ACOXL: variants seen among roughly 807,000 people sequenced by gnomAD.
ACOXL encodes acyl-CoA oxidase like.
ACOXL carries 70 observed loss-of-function variants against 71.9 expected under a neutral mutation model. The ratio of observed to expected loss-of-function variants is 0.97; its 90% CI spans 0.80 to 1.19. ACOXL has a LOEUF of 1.19. Among genes scored for constraint, ACOXL ranks in the 50% most tolerant of loss-of-function variants. The probability of loss-of-function intolerance (pLI) is 0.00; values close to 1 mark genes in which losing one functional copy is unlikely to be tolerated. For missense variants in ACOXL, 703 were observed against 736.3 expected (o/e 0.95, Z 0.52); for synonymous variants, 253 against 281.6 (o/e 0.90, Z 1.02).
At chr2:110,792,206 G>A (rs905110557) in intron 3 of ACOXL, among the ~76,000 whole-genome samples, 1 of 152,184 alleles carries the variant, frequency 6.6e-6, no homozygotes, top group Non-Finnish European at 1.5e-5. Flanking sequence ...GCTGGGATGG[G>A]GTGGGGTCAA....
intron 10 of ACOXL, among the ~76,000 whole-genome samples, chr2:110,907,152 G>A (rs112218537): frequency 1.4e-4 from 21 of 152,304 alleles, no homozygotes; most frequent in African/African-American, 4.1e-4. Context: ...TGGTGAGGGC[G>A]CTTTTCCTGG....
intron 12 of ACOXL, among the ~76,000 whole-genome samples, chr2:110,943,057 A>AAAGGAAGGAAGAAAGAC (rs558546854): frequency 2.7e-5 from 4 of 146,058 alleles, no homozygotes; most frequent in Admixed American, 2.7e-4. Flanking sequence ...GGAAGAAAGA[A>AAAGGAAGGAAGAAAGAC]AAGGAAGAAG....
chr2:110,890,821 G>A (rs1411157479), intron 10 of ACOXL, among the ~76,000 whole-genome samples: 3 of 151,894 alleles, frequency 2.0e-5, no homozygotes, highest in East Asian at 3.9e-4. Context: ...TGTGAATTTC[G>A]GTACATCTTG....
chr2:110,972,764 G>T (rs747627502), intron 12 of ACOXL, among the ~76,000 whole-genome samples: 1 of 152,102 alleles, frequency 6.6e-6, no homozygotes, highest in Admixed American at 6.5e-5. Context: ...TCTCTCAATG[G>T]AGTCATGCAG....
At chr2:110,855,969 C>T (rs536994795) in intron 10 of ACOXL, among the ~76,000 whole-genome samples, 2 of 152,310 alleles carry the variant, frequency 1.3e-5, no homozygotes, top group African/African-American at 4.8e-5. Flanking sequence ...CTCTGATGTT[C>T]TGTTTCTGTC....
intron 10 of ACOXL, among the ~76,000 whole-genome samples, chr2:110,849,947 G>T (rs899702557): frequency 1.3e-5 from 2 of 152,168 alleles, no homozygotes; most frequent in Admixed American, 1.3e-4. Flanking sequence ...AAGAAGTCAG[G>T]AGCAGACCCC....
At chr2:110,924,459 A>C (rs2060196802) in intron 11 of ACOXL, among the ~76,000 whole-genome samples, 1 of 152,228 alleles carries the variant, frequency 6.6e-6, no homozygotes, top group African/African-American at 2.4e-5. Flanking sequence ...CTGCCCTATC[A>C]ACTAAGTTTA....
intron 17 of ACOXL, among the ~76,000 whole-genome samples, chr2:111,102,237 C>T (rs937322916): frequency 2.6e-5 from 4 of 152,170 alleles, no homozygotes; most frequent in South Asian, 4.1e-4. Flanking sequence ...CCATTCAAGT[C>T]AGGTTAAGAA....
chr2:110,771,260 C>T (rs1681885902), intron 2 of ACOXL, among the ~76,000 whole-genome samples: 1 of 152,190 alleles, frequency 6.6e-6, no homozygotes, highest in Admixed American at 6.5e-5. Context: ...TCAAATTCCG[C>T]CCTGTAAACA....
chr2:110,865,396 C>T (rs952936451), intron 10 of ACOXL, among the ~76,000 whole-genome samples: 1 of 152,154 alleles, frequency 6.6e-6, no homozygotes, highest in Non-Finnish European at 1.5e-5. Context: ...CTTAACTTTG[C>T]ATTTCTCGAT....
chr2:111,090,630 T>C (rs934109042), intron 16 of ACOXL, among the ~76,000 whole-genome samples: 1 of 152,150 alleles, frequency 6.6e-6, no homozygotes, highest in Non-Finnish European at 1.5e-5. Context: ...AGAGCAGACA[T>C]AGTCAGGATG....
At chr2:111,098,862 C>A in intron 17 of ACOXL, 1 of 152,316 alleles carries the variant, frequency 6.6e-6, no homozygotes, top group Non-Finnish European at 1.5e-5. Context: ...CTTATACCGA[C>A]GCTCCAGTCT....
chr2:111,036,003 T>C lies in ACOXL; in HGVS notation c.1369+4289T>C, dbSNP rs530690426. ...ATTATGCAAGCTCAGATAAACAAAA[T>C]GCCACAACATCAGCCAGTAGTCCTG... On this transcript the variant is annotated intron_variant, in intron 15 of 17. Coordinates refer to ENST00000439055, the MANE Select transcript of ACOXL (RefSeq NM_001142807.4). 6.6e-5 allele frequency among the ~76,000 whole-genome samples: 10 copies of C among 152,356 alleles called. No individual in the cohort carries two copies. In the South Asian group the frequency reaches 2.1e-3, roughly 32 times the overall value.
At chr2:110,936,004 C>CATAGGACAAT (rs1353917399) in intron 12 of ACOXL, among the ~76,000 whole-genome samples, 24 of 152,256 alleles carry the variant, frequency 1.6e-4, no homozygotes, top group African/African-American at 5.3e-4. Flanking sequence ...TCTAATGGTG[C>CATAGGACAAT]TGCTGAACTG....
At chr2:110,798,386 A>G (rs1409379702) in intron 5 of ACOXL, among the ~76,000 whole-genome samples, 4 of 151,742 alleles carry the variant, frequency 2.6e-5, no homozygotes, top group Non-Finnish European at 4.4e-5. Flanking sequence ...CCTCCCGAGT[A>G]GCTGGGACTA....
chr2:111,029,466 T>A (rs927236059), intron 14 of ACOXL, among the ~76,000 whole-genome samples: 1 of 152,270 alleles, frequency 6.6e-6, no homozygotes, highest in Non-Finnish European at 1.5e-5. Flanking sequence ...TTTTGACCAC[T>A]TGACAGCAGA....
chr2:110,849,650 CAA>C (rs1178752683), intron 10 of ACOXL, among the ~76,000 whole-genome samples: 1 of 152,086 alleles, frequency 6.6e-6, no homozygotes, highest in Non-Finnish European at 1.5e-5. Flanking sequence ...CCCAGCTACT[CAA>C]GAGGCTGAGG....
intron 13 of ACOXL, among the ~76,000 whole-genome samples, chr2:110,990,253 C>T (rs2063118352): frequency 6.6e-6 from 1 of 152,220 alleles, no homozygotes; most frequent in Admixed American, 6.5e-5. Flanking sequence ...TTTTTCCATA[C>T]ATACTATATC....
intron 14 of ACOXL, among the ~76,000 whole-genome samples, chr2:110,999,072 A>G (rs991367586): frequency 6.6e-6 from 1 of 152,198 alleles, no homozygotes; most frequent in Admixed American, 6.5e-5. Flanking sequence ...ACAAAATACC[A>G]CAGACAGAGT....
Sources: gnomAD v4.1 joint callset for allele counts (sites outside exome capture counted in the v4.1 genomes callset) on GRCh38, gnomAD v4.1.1 for gene constraint, MANE v1.5 for transcripts, NCBI Gene and HGNC (gene_info 2026-07-23, HGNC 2026-07-21) for gene names.